The following SMYD3 variants were observed in gnomAD, a reference collection of about 807,000 sequenced individuals.
SMYD3 encodes the protein histone-lysine N-methyltransferase SMYD3.
A neutral mutation model predicts 57.7 loss-of-function variants in SMYD3; 36 were observed. The ratio of observed to expected loss-of-function variants is 0.62; its 90% CI spans 0.48 to 0.82. The LOEUF (loss-of-function observed/expected upper bound fraction) is 0.82. SMYD3 is among the 40% of genes least tolerant of loss of function. SMYD3 has a pLI of 0.00. For missense variants in SMYD3, 515 were observed against 538.8 expected (o/e 0.96, Z 0.44); for synonymous variants, 211 against 195.0 (o/e 1.08, Z -0.68).
At chr1:246,435,684 T>C (rs2067360211) in intron 1 of SMYD3, among the ~76,000 whole-genome samples, 1 of 147,672 alleles carries the variant, frequency 6.8e-6, no homozygotes, top group South Asian at 2.2e-4. Flanking sequence ...AGTAATAGCG[T>C]TGAGACTCTA....
In SMYD3 at chr1:246,384,401, A is replaced by AT. The variant is rs572742563; in HGVS notation, c.165-29308dup. Among the ~76,000 whole-genome samples the AT allele has an allele frequency of 9.6e-4, 142 of 147,618 alleles. 2 individuals carry two copies. The South Asian group carries it at 0.015, about 16-fold the overall frequency. ...AAATTAGATTATATTTAGAAACAGA[A>AT]TTTTTTTTTTTTGAGACAGAGTCTC... On this transcript the variant is annotated intron_variant, in intron 1 of 11. Coordinates refer to ENST00000490107, the MANE Select transcript of SMYD3 (RefSeq NM_001167740.2).
At chr1:246,472,525 T>C (rs2067975006) in intron 1 of SMYD3, among the ~76,000 whole-genome samples, 1 of 152,100 alleles carries the variant, frequency 6.6e-6, no homozygotes, top group Non-Finnish European at 1.5e-5. Flanking sequence ...GGCAGATCAG[T>C]TGGGCACAGG....
At chr1:245,866,311 G>C (rs748963091) in intron 8 of SMYD3, among the ~76,000 whole-genome samples, 21 of 149,738 alleles carry the variant, frequency 1.4e-4, no homozygotes, top group Admixed American at 2.6e-4. Context: ...TGTATGTGCT[G>C]TGTGTCTGTG....
intron 5 of SMYD3, among the ~76,000 whole-genome samples, chr1:246,313,379 A>AC (rs1026199160): frequency 2.0e-5 from 3 of 152,106 alleles, no homozygotes; most frequent in Non-Finnish European, 4.4e-5. Context: ...GGAAAAACAG[A>AC]CCCTAGGACA....
intron 10 of SMYD3, among the ~76,000 whole-genome samples, chr1:245,815,417 T>C (rs184293092): frequency 2.0e-4 from 31 of 152,344 alleles, no homozygotes; most frequent in African/African-American, 7.2e-4. Flanking sequence ...CGCTCTAGTT[T>C]TTCTCAAAGT....
intron 5 of SMYD3, among the ~76,000 whole-genome samples, chr1:245,946,831 C>T (rs545003929): frequency 5.3e-5 from 8 of 152,190 alleles, no homozygotes; most frequent in Admixed American, 1.3e-4. Flanking sequence ...ATTATTTCAC[C>T]GCCCAAGTAA....
chr1:246,119,188 A>AT (rs1198393220), intron 5 of SMYD3, among the ~76,000 whole-genome samples: 4 of 149,678 alleles, frequency 2.7e-5, no homozygotes, highest in South Asian at 2.1e-4. Context: ...GCTTGGCTAA[A>AT]TTTTTTTTTT....
At chr1:245,933,946 C>A (rs2056864038) in intron 5 of SMYD3, among the ~76,000 whole-genome samples, 1 of 152,050 alleles carries the variant, frequency 6.6e-6, no homozygotes, top group African/African-American at 2.4e-5. Flanking sequence ...ACTTCCCAGC[C>A]CCCTCCCCCA....
At chr1:246,288,062 C>CTTTTTTTTTTTTTTTTTTT (rs67603439) in intron 5 of SMYD3, among the ~76,000 whole-genome samples, 3 of 64,208 alleles carry the variant, frequency 4.7e-5, no homozygotes, top group African/African-American at 6.7e-5. Flanking sequence ...TCAGGTAATT[C>CTTTTTTTTTTTTTTTTTTT]TTTTTTTTTT....
chr1:246,142,799 G>A (rs1157460511), intron 5 of SMYD3, among the ~76,000 whole-genome samples: 2 of 152,202 alleles, frequency 1.3e-5, no homozygotes, highest in Non-Finnish European at 2.9e-5. Flanking sequence ...GTTCTCGTAA[G>A]TATATTGCTC....
intron 8 of SMYD3, among the ~76,000 whole-genome samples, chr1:245,867,676 ACACACACACACACT>A (rs2051951851): frequency 5.3e-5 from 8 of 151,842 alleles, no homozygotes; most frequent in African/African-American, 1.9e-4. Flanking sequence ...GCGCACACAC[ACACACACACACACT>A]CACACACACA....
chr1:246,002,270 C>A (rs372186333), intron 5 of SMYD3, among the ~76,000 whole-genome samples: 2 of 134,680 alleles, frequency 1.5e-5, no homozygotes, highest in Non-Finnish European at 3.3e-5. Context: ...CTGCAAGCTC[C>A]GCCTCCCGGG....
chr1:245,943,029 G>C (rs990410631), intron 5 of SMYD3, among the ~76,000 whole-genome samples: 3 of 152,026 alleles, frequency 2.0e-5, no homozygotes, highest in African/African-American at 7.2e-5. Context: ...ACATCAAAAA[G>C]CTAGAAAGAC....
chr1:246,210,659 G>A lies in SMYD3; in HGVS notation c.531+116542C>T, dbSNP rs113729264. 7.3e-3 allele frequency among the ~76,000 whole-genome samples: 1,104 copies of A among 151,240 alleles called. 18 individuals carry two copies. The highest frequency in any genetic ancestry group is 0.024 in the African/African-American group (1,005 of 41,150). Reference sequence around the variant, plus strand: ...CGGGAAGCGGAGGTTGCAGTGAGCCGACATTGTGCCACTGCACTCCAGCCT... The same window carrying A: ...CGGGAAGCGGAGGTTGCAGTGAGCCAACATTGTGCCACTGCACTCCAGCCT... On this transcript the variant is annotated intron_variant, in intron 5 of 11. Coordinates refer to ENST00000490107, the MANE Select transcript of SMYD3 (RefSeq NM_001167740.2).
intron 1 of SMYD3, among the ~76,000 whole-genome samples, chr1:246,411,715 T>C (rs1223798980): frequency 1.3e-5 from 2 of 151,302 alleles, no homozygotes; most frequent in Non-Finnish European, 2.9e-5. Context: ...CTCAGCAATC[T>C]ATCCCAAGGA....
At chr1:246,326,747 G>C (rs551735691) in intron 5 of SMYD3, 17 of 278,684 alleles carry the variant, frequency 6.1e-5, no homozygotes, top group Admixed American at 5.6e-4. Flanking sequence ...CTGGGTGACA[G>C]AACGAGACTC....
At chr1:246,061,478 T>A (rs1330361220) in intron 5 of SMYD3, among the ~76,000 whole-genome samples, 1 of 151,614 alleles carries the variant, frequency 6.6e-6, no homozygotes, top group Non-Finnish European at 1.5e-5. Flanking sequence ...CTCAGCACTT[T>A]GGGAGGCTGA....
chr1:245,866,462 C>T (rs1338432817), intron 8 of SMYD3, among the ~76,000 whole-genome samples: 3 of 151,924 alleles, frequency 2.0e-5, no homozygotes, highest in East Asian at 1.9e-4. Flanking sequence ...CTGGATGCGG[C>T]GGCTCATGCC....
intron 1 of SMYD3, among the ~76,000 whole-genome samples, chr1:246,492,091 G>C (rs1482989899): frequency 1.3e-5 from 2 of 152,130 alleles, no homozygotes; most frequent in African/African-American, 4.8e-5. Flanking sequence ...AGAAAAAGTT[G>C]AGACTCATAC....
Sources: allele counts gnomAD v4.1 joint callset (sites outside exome capture counted in the v4.1 genomes callset), GRCh38; gene constraint gnomAD v4.1.1; transcripts MANE v1.5; gene names NCBI Gene and HGNC (gene_info 2026-07-23, HGNC 2026-07-21).